The following GRIP1 variants were observed in gnomAD, a reference collection of about 807,000 sequenced individuals.
GRIP1 encodes glutamate receptor interacting protein 1, also known as glutamate receptor-interacting protein 1.
GRIP1 carries 45 observed loss-of-function variants against 129.9 expected under a neutral mutation model. That is an observed-to-expected ratio of 0.35 (90% CI 0.27 to 0.44). The LOEUF (loss-of-function observed/expected upper bound fraction) is 0.44. Among genes scored for constraint, GRIP1 ranks in the 20% least tolerant of loss-of-function variants. The probability of loss-of-function intolerance (pLI) is 1.00; values close to 1 mark genes in which losing one functional copy is unlikely to be tolerated. For synonymous variants in GRIP1, 530 were observed against 520.8 expected (o/e 1.02, Z -0.24); for missense variants, 1,196 against 1,396.8 (o/e 0.86, Z 2.29).
chr12:66,898,368 T>C (rs2040787392), intron 1 of GRIP1, among the ~76,000 whole-genome samples: 1 of 152,202 alleles, frequency 6.6e-6, no homozygotes, highest in South Asian at 2.1e-4. Context: ...TTCCTTTTAT[T>C]TGTGTCCTCG....
At chr12:66,369,459 A>G (rs112215595) in intron 23 of GRIP1, among the ~76,000 whole-genome samples, 1 of 151,164 alleles carries the variant, frequency 6.6e-6, no homozygotes, top group Non-Finnish European at 1.5e-5. Context: ...AGGAGGGATG[A>G]GAAAACAGGT....
intron 1 of GRIP1, among the ~76,000 whole-genome samples, chr12:66,838,187 T>TAAAAA (rs56259335): frequency 9.5e-5 from 13 of 137,518 alleles, no homozygotes; most frequent in Admixed American, 2.2e-4. Flanking sequence ...AGACTCCACC[T>TAAAAA]AAAAAAAAAA....
At chr12:66,929,577 C>T (rs1167361293) in intron 1 of GRIP1, among the ~76,000 whole-genome samples, 1 of 152,140 alleles carries the variant, frequency 6.6e-6, no homozygotes, top group African/African-American at 2.4e-5. Flanking sequence ...GAATACCCTA[C>T]ACTCTCATAT....
intron 1 of GRIP1, among the ~76,000 whole-genome samples, chr12:66,977,807 A>ATTTTTTTTTTTTTTTTTTTTT (rs200381983): frequency 1.7e-5 from 1 of 60,256 alleles, no homozygotes; most frequent in Non-Finnish European, 3.1e-5. Context: ...AGAGCTGAGC[A>ATTTTTTTTTTTTTTTTTTTTT]TTTTTTTTTT....
intron 2 of GRIP1, among the ~76,000 whole-genome samples, chr12:66,584,470 G>T (rs71452320): frequency 2.6e-5 from 4 of 151,838 alleles, no homozygotes; most frequent in African/African-American, 9.7e-5. Context: ...CTACTCGGGA[G>T]GCTGAGGCAG....
chr12:66,476,733 C>T (rs2059626571), intron 7 of GRIP1, among the ~76,000 whole-genome samples: 1 of 152,146 alleles, frequency 6.6e-6, no homozygotes, highest in Non-Finnish European at 1.5e-5. Flanking sequence ...ATACGCAAAT[C>T]AATAAACGTA....
At chr12:66,441,169 A>T (rs756621060) in intron 13 of GRIP1, among the ~76,000 whole-genome samples, 1 of 152,206 alleles carries the variant, frequency 6.6e-6, no homozygotes, top group Non-Finnish European at 1.5e-5. Context: ...AATCCAAGGG[A>T]CATTTCCTAC....
chr12:66,728,650 T>G (rs575580013), intron 1 of GRIP1, among the ~76,000 whole-genome samples: 5 of 152,176 alleles, frequency 3.3e-5, no homozygotes, highest in Non-Finnish European at 7.4e-5. Context: ...AAAGAAGGAA[T>G]GAATGGATAC....
chr12:66,859,434 A>G (rs1466020528), intron 1 of GRIP1, among the ~76,000 whole-genome samples: 1 of 152,016 alleles, frequency 6.6e-6, no homozygotes, highest in Non-Finnish European at 1.5e-5. Context: ...CTTCTAAACC[A>G]TTATTCAAAC....
intron 4 of GRIP1, among the ~76,000 whole-genome samples, 191 bp from the exon 5 acceptor site, chr12:66,530,105 A>G (rs1159749259): frequency 6.6e-6 from 1 of 152,246 alleles, no homozygotes; most frequent in East Asian, 1.9e-4. Context: ...AGTCATCTGT[A>G]TAAGTGACTC....
chr12:66,738,130 A>G (rs2036667581), intron 1 of GRIP1, among the ~76,000 whole-genome samples: 1 of 152,172 alleles, frequency 6.6e-6, no homozygotes, highest in Non-Finnish European at 1.5e-5. Context: ...ATGGGCTGAG[A>G]GAAGGCACAG....
At chr12:66,955,504 GTTTTTT>G (rs71088226) in intron 1 of GRIP1, among the ~76,000 whole-genome samples, 1 of 114,516 alleles carries the variant, frequency 8.7e-6, no homozygotes. Flanking sequence ...TACTTTTTTG[GTTTTTT>G]TTTTTTTTTT....
At chr12:66,538,105 C>A (rs2061660670) in intron 4 of GRIP1, among the ~76,000 whole-genome samples, 1 of 152,050 alleles carries the variant, frequency 6.6e-6, no homozygotes, top group South Asian at 2.1e-4. Context: ...CTCTATCCAT[C>A]TGGATGTCTG....
upstream of GRIP1, chr12:66,804,269 T>G (rs1184023174): frequency 5.4e-6 from 2 of 369,316 alleles, no homozygotes; most frequent in East Asian, 1.5e-4. Context: ...GGAGCATGAA[T>G]GACCAATACC....
At chr12:66,679,789 ACTATTTCC>A (rs2034512699), upstream of GRIP1, among the ~76,000 whole-genome samples, 1 of 152,216 alleles carries the variant, frequency 6.6e-6, no homozygotes, top group Non-Finnish European at 1.5e-5. Flanking sequence ...ACTTTATTAT[ACTATTTCC>A]CAAACAACCA....
At chr12:66,724,415 G>A (rs2036188083) in intron 1 of GRIP1, among the ~76,000 whole-genome samples, 2 of 152,168 alleles carry the variant, frequency 1.3e-5, no homozygotes, top group Admixed American at 6.5e-5. Context: ...TTGGCTAACT[G>A]AGGCACAGGA....
chr12:66,438,514 GTT>G (rs34393525), intron 13 of GRIP1, among the ~76,000 whole-genome samples: 17 of 139,584 alleles, frequency 1.2e-4, no homozygotes, highest in East Asian at 2.1e-4. Context: ...TTGAGACGGA[GTT>G]TTTTTTTTTT....
intron 5 of GRIP1, among the ~76,000 whole-genome samples, chr12:66,527,507 C>G (rs968608694): frequency 7.9e-5 from 12 of 151,822 alleles, no homozygotes; most frequent in Non-Finnish European, 1.8e-4. Flanking sequence ...GGGAACATCA[C>G]ACTCCGGGGA....
intron 1 of GRIP1, among the ~76,000 whole-genome samples, chr12:66,897,480 T>C (rs1299204670): frequency 6.6e-6 from 1 of 152,174 alleles, no homozygotes; most frequent in East Asian, 1.9e-4. Flanking sequence ...AAAAATACAA[T>C]GTTCCCTTAA....
Sources: gnomAD v4.1 joint callset for allele counts (sites outside exome capture counted in the v4.1 genomes callset) on GRCh38, gnomAD v4.1.1 for gene constraint, MANE v1.5 for transcripts, NCBI Gene and HGNC (gene_info 2026-07-23, HGNC 2026-07-21) for gene names.